The following MAML3 variants were observed in gnomAD, a reference collection of about 807,000 sequenced individuals.
The protein encoded by MAML3 is mastermind like transcriptional coactivator 3, also known as mastermind-like protein 3.
A neutral mutation model predicts 101.9 loss-of-function variants in MAML3; 27 were observed. The ratio of observed to expected loss-of-function variants is 0.27; its 90% CI spans 0.20 to 0.37. The LOEUF (loss-of-function observed/expected upper bound fraction) is 0.37, where lower values mean the gene tolerates loss of function less well. Among genes scored for constraint, MAML3 ranks in the 10% least tolerant of loss-of-function variants. MAML3 has a pLI of 1.00. For missense variants in MAML3, 1,316 were observed against 1,444.9 expected (o/e 0.91, Z 1.45); for synonymous variants, 501 against 555.9 (o/e 0.90, Z 1.39).
At chr4:139,910,898 G>T (rs890900571) in intron 1 of MAML3, among the ~76,000 whole-genome samples, 1 of 152,182 alleles carries the variant, frequency 6.6e-6, no homozygotes, top group Non-Finnish European at 1.5e-5. Context: ...ATTAGTAAAA[G>T]AAAATTTACC....
chr4:140,103,794 C>A (rs1728289319), intron 1 of MAML3, among the ~76,000 whole-genome samples: 1 of 152,178 alleles, frequency 6.6e-6, no homozygotes, highest in African/African-American at 2.4e-5. Context: ...GCTTCCTGGG[C>A]ACTGCAAGCT....
intron 2 of MAML3, among the ~76,000 whole-genome samples, chr4:139,774,429 G>A (rs1730055846): frequency 6.6e-6 from 1 of 152,192 alleles, no homozygotes; most frequent in Admixed American, 6.5e-5. Context: ...TCTGCCAAAA[G>A]GATAAAGGAA....
chr4:139,863,116 C>T (rs550964704), intron 2 of MAML3, among the ~76,000 whole-genome samples: 32 of 145,198 alleles, frequency 2.2e-4, no homozygotes, highest in African/African-American at 7.8e-4. Flanking sequence ...CGCCACTGCA[C>T]TCCAGCCTGG....
At chr4:139,779,471 T>C (rs1325266057) in intron 2 of MAML3, among the ~76,000 whole-genome samples, 1 of 152,252 alleles carries the variant, frequency 6.6e-6, no homozygotes, top group African/African-American at 2.4e-5. Flanking sequence ...AATTATGTCT[T>C]TCAGGTTTAT....
chr4:139,936,018 C>T (rs565335513), intron 1 of MAML3, among the ~76,000 whole-genome samples: 14 of 152,248 alleles, frequency 9.2e-5, no homozygotes, highest in African/African-American at 1.9e-4. Flanking sequence ...TTGTACCCTT[C>T]GACCAACATC....
chr4:139,881,820 G>A (rs1381210378), intron 2 of MAML3, among the ~76,000 whole-genome samples: 1 of 152,158 alleles, frequency 6.6e-6, no homozygotes, highest in East Asian at 1.9e-4. Flanking sequence ...TCCTGCCTCA[G>A]CCTCTGAGTA....
intron 1 of MAML3, among the ~76,000 whole-genome samples, chr4:140,056,848 T>C (rs977323502): frequency 6.6e-6 from 1 of 151,924 alleles, no homozygotes; most frequent in Admixed American, 6.6e-5. Context: ...CTAAGTCTTC[T>C]GATCATAAAA....
chr4:139,946,929 T>A (rs201605716), intron 1 of MAML3, among the ~76,000 whole-genome samples: 2,974 of 62,384 alleles, frequency 0.048, 41 homozygotes, highest in African/African-American at 0.11. Flanking sequence ...ACACACACTC[T>A]CTCTCTCTCT....
At chr4:139,791,573 T>C (rs983016474) in intron 2 of MAML3, among the ~76,000 whole-genome samples, 28 of 151,598 alleles carry the variant, frequency 1.8e-4, no homozygotes, top group African/African-American at 6.8e-4. Context: ...TATAAATATA[T>C]TTCCTCTAAA....
At chr4:140,110,705 G>T (rs1389158149) in intron 1 of MAML3, among the ~76,000 whole-genome samples, 1 of 151,774 alleles carries the variant, frequency 6.6e-6, no homozygotes. Flanking sequence ...TGGACAAAAG[G>T]GCACAGAGAA....
intron 1 of MAML3, among the ~76,000 whole-genome samples, chr4:140,071,795 G>A (rs1157766960): frequency 3.3e-5 from 5 of 151,080 alleles, no homozygotes; most frequent in East Asian, 2.0e-4. Flanking sequence ...GAGAAGGCAC[G>A]CATCTGCTTT....
chr4:139,856,179 GTA>G (rs1731658982), intron 2 of MAML3, among the ~76,000 whole-genome samples: 1 of 152,234 alleles, frequency 6.6e-6, no homozygotes, highest in African/African-American at 2.4e-5. Context: ...TAGCTGTCCA[GTA>G]TATGTGGAAT....
At chr4:139,814,120 G>GT (rs1436939783) in intron 2 of MAML3, among the ~76,000 whole-genome samples, 1 of 151,752 alleles carries the variant, frequency 6.6e-6, no homozygotes, top group Non-Finnish European at 1.5e-5. Flanking sequence ...AAGAGGAAGC[G>GT]TATCTGAGAG....
At chr4:139,942,017 C>G (rs1733610670) in intron 1 of MAML3, among the ~76,000 whole-genome samples, 1 of 152,092 alleles carries the variant, frequency 6.6e-6, no homozygotes, top group Admixed American at 6.6e-5. Flanking sequence ...CGCCTGTGAT[C>G]CCAGCTACTC....
At chr4:139,952,410 G>C (rs535111032) in intron 1 of MAML3, among the ~76,000 whole-genome samples, 1 of 152,136 alleles carries the variant, frequency 6.6e-6, no homozygotes, top group African/African-American at 2.4e-5. Flanking sequence ...AGGGACAAAA[G>C]CTGAACTTAA....
chr4:139,956,484 T>G (rs1357229151), intron 1 of MAML3, among the ~76,000 whole-genome samples: 1 of 152,226 alleles, frequency 6.6e-6, no homozygotes, highest in East Asian at 1.9e-4. Context: ...CTGAATGATT[T>G]CAGAAGCCTC....
intron 1 of MAML3, among the ~76,000 whole-genome samples, chr4:140,063,862 C>T (rs1011494252): frequency 1.1e-4 from 16 of 151,804 alleles, no homozygotes; most frequent in East Asian, 1.9e-4. Context: ...GCTAAACATA[C>T]GGTAGCACTA....
At chr4:140,025,749 T>C (rs1451414136) in intron 1 of MAML3, among the ~76,000 whole-genome samples, 2 of 152,174 alleles carry the variant, frequency 1.3e-5, no homozygotes, top group Non-Finnish European at 2.9e-5. Flanking sequence ...ACTTTCGACT[T>C]CATCTAGAAG....
rs1475927364 is a variant in MAML3, at chr4:139,730,666, T to C, written c.2081A>G (p.Glu694Gly). 1 of 1,610,988 alleles carries C rather than the reference T, an allele frequency of 6.2e-7. No individual in the cohort carries two copies. ...AYAALPSHGQ[E>G]QHPVGLPRTT... ...TCGGGGAAGTCCAACTGGATGCTGC[T>C]CCTGGGAAGACAAGAGAGAGGGAGA... Residue 694 changes from glutamate (E) to glycine (G), a missense_variant and splice_region_variant, in exon 3 of 5, where the codon GAG becomes GGG. By Grantham distance (98) the Glu-to-Gly change is moderately conservative (BLOSUM62 -2). Transcript: ENST00000509479.
Sources: allele counts gnomAD v4.1 joint callset (sites outside exome capture counted in the v4.1 genomes callset), GRCh38; gene constraint gnomAD v4.1.1; transcripts MANE v1.5; gene names NCBI Gene and HGNC (gene_info 2026-07-23, HGNC 2026-07-21).